The following MICU3 variants were observed in gnomAD, a reference collection of about 807,000 sequenced individuals.
The protein encoded by MICU3 is mitochondrial calcium uptake 3.
In MICU3, 62 loss-of-function variants were observed where a neutral mutation model predicts 66.5. That is an observed-to-expected ratio of 0.93 (90% CI 0.76 to 1.15). The LOEUF is 1.15. Ranked by LOEUF, MICU3 falls within the 50% of genes most tolerant of loss-of-function variation. The pLI is 0.00. For missense variants in MICU3, 779 were observed against 664.4 expected (o/e 1.17, Z -1.90); for synonymous variants, 308 against 240.7 (o/e 1.28, Z -2.59).
the MICU3 span, among the ~76,000 whole-genome samples, chr8:17,135,725 T>C: frequency 2.6e-5 from 4 of 152,124 alleles, no homozygotes; most frequent in Admixed American, 6.6e-5. Flanking sequence ...TCTGTAATTG[T>C]TCAAATTAAC....
chr8:17,049,391 T>C (rs757106560), intron 1 of MICU3, among the ~76,000 whole-genome samples: 13 of 152,158 alleles, frequency 8.5e-5, no homozygotes, highest in Non-Finnish European at 1.8e-4. Context: ...CCAAACACTA[T>C]TTCTGGACCT....
chr8:17,060,706 A>G (rs538715722), intron 1 of MICU3, among the ~76,000 whole-genome samples: 2 of 152,306 alleles, frequency 1.3e-5, no homozygotes, highest in East Asian at 1.9e-4. Flanking sequence ...AGCAGAGACA[A>G]TGGAGGAAGC....
chr8:17,113,723 T>G (rs1427934267), intron 11 of MICU3, among the ~76,000 whole-genome samples: 10 of 151,578 alleles, frequency 6.6e-5, no homozygotes, highest in African/African-American at 2.2e-4. Context: ...TTTTTTTCTG[T>G]TTTTTTTCTT....
intron 13 of MICU3, among the ~76,000 whole-genome samples, 192 bp from the exon 14 acceptor site, chr8:17,118,515 G>T (rs968669138): frequency 3.9e-5 from 6 of 152,094 alleles, no homozygotes; most frequent in Non-Finnish European, 5.9e-5. Context: ...TATTCTTCCT[G>T]TCTAATTGGA....
At position 17,093,452 on chromosome 8, in the gene MICU3, G is replaced by A. The variant is rs181682469; in HGVS notation, c.888+2868G>A. ...ATTTGAAAAGAATGTGTATTTTCCA[G>A]TTTGGGGTACAGGGTTGTGTAATAT... On this transcript the variant is annotated intron_variant, in intron 8 of 14. Coordinates refer to ENST00000318063, the MANE Select transcript of MICU3 (RefSeq NM_181723.3). Among the ~76,000 whole-genome samples, 660 of 151,982 alleles carry A rather than the reference G, an allele frequency of 4.3e-3. 6 individuals are homozygous for A. The highest frequency in any genetic ancestry group is 0.012 in the African/African-American group (503 of 41,504).
intron 3 of MICU3, among the ~76,000 whole-genome samples, chr8:17,074,362 A>G (rs1337171934): frequency 1.3e-5 from 2 of 152,190 alleles, no homozygotes; most frequent in Non-Finnish European, 2.9e-5. Flanking sequence ...TAATATTTTT[A>G]AGAATGTGAA....
chr8:17,112,519 A>G (rs1016077364), intron 11 of MICU3, among the ~76,000 whole-genome samples: 2 of 152,114 alleles, frequency 1.3e-5, no homozygotes, highest in Non-Finnish European at 2.9e-5. Flanking sequence ...TACATGGCCC[A>G]TTTGTTATTT....
chr8:17,115,251 T>C (rs1344549678), intron 12 of MICU3, among the ~76,000 whole-genome samples: 1 of 152,220 alleles, frequency 6.6e-6, no homozygotes, highest in Non-Finnish European at 1.5e-5. Flanking sequence ...TGTGGCCTTA[T>C]TCATTTATTC....
intron 1 of MICU3, among the ~76,000 whole-genome samples, chr8:17,049,423 G>A (rs1815670474): frequency 6.6e-6 from 1 of 152,206 alleles, no homozygotes; most frequent in African/African-American, 2.4e-5. Context: ...AGTACATCAA[G>A]AGGTAGAGTC....
At chr8:17,082,765 A>G (rs1821389941) in intron 5 of MICU3, among the ~76,000 whole-genome samples, 1 of 152,178 alleles carries the variant, frequency 6.6e-6, no homozygotes, top group South Asian at 2.1e-4. Context: ...AATACCTTGT[A>G]CTTCTTTGAT....
chr8:17,105,131 T>C (rs1322715268), intron 10 of MICU3, among the ~76,000 whole-genome samples: 5 of 151,922 alleles, frequency 3.3e-5, no homozygotes, highest in African/African-American at 7.3e-5. Flanking sequence ...AGTTTAAGTA[T>C]CATTGCTATT....
Position 17,118,691 on chromosome 8 carries a change from C to G in MICU3, c.1525-16C>G. 2.5e-6 allele frequency: 4 copies of G among 1,573,634 alleles called. No homozygotes were observed. The highest frequency in any genetic ancestry group is 3.5e-6 in the Non-Finnish European group (4 of 1,146,720). ...TCTTTCTGTACATTTGCACACTTTG[C>G]TCTTCTGTTTTACAGGGTTATAAAA... On this transcript the variant is annotated splice_polypyrimidine_tract_variant and intron_variant, in intron 13 of 14. Transcript: ENST00000318063.
At chr8:17,031,388 T>C (rs758516947) in intron 1 of MICU3, among the ~76,000 whole-genome samples, 70 of 151,462 alleles carry the variant, frequency 4.6e-4, no homozygotes, top group Middle Eastern at 3.4e-3. Context: ...CAGGTTCAAG[T>C]GATTCTTCCA....
intron 1 of MICU3, among the ~76,000 whole-genome samples, chr8:17,047,564 C>G (rs754339490): frequency 6.6e-6 from 1 of 152,058 alleles, no homozygotes; most frequent in Non-Finnish European, 1.5e-5. Flanking sequence ...ACTGTAAAAT[C>G]AAAGATAAAG....
chr8:17,110,937 T>C (rs531821697), intron 11 of MICU3, among the ~76,000 whole-genome samples: 2 of 152,334 alleles, frequency 1.3e-5, no homozygotes, highest in East Asian at 1.9e-4. Flanking sequence ...TTCTTTGCTA[T>C]GGCTGAATAA....
chr8:17,054,871 T>C (rs1014463076), intron 1 of MICU3, among the ~76,000 whole-genome samples: 3 of 151,640 alleles, frequency 2.0e-5, no homozygotes, highest in African/African-American at 2.4e-5. Flanking sequence ...CCCAAGTAGC[T>C]GGGATTACAG....
rs192790431 is a variant in MICU3, at chr8:17,050,434, T to A, written c.382-13650T>A. Reference sequence around the variant, plus strand: ...CTTTATTAATATTTCATTAAACTGATATAATTTCCATTTTTATTGATATTT... The same window carrying A: ...CTTTATTAATATTTCATTAAACTGAAATAATTTCCATTTTTATTGATATTT... On this transcript the variant is annotated intron_variant, in intron 1 of 14. Coordinates refer to ENST00000318063, the MANE Select transcript of MICU3 (RefSeq NM_181723.3). Among the ~76,000 whole-genome samples the A allele has an allele frequency of 2.4e-4, 36 of 152,230 alleles. 2 individuals carry two copies. Among genetic ancestry groups the A allele is most frequent in the African/African-American group, 8.4e-4 (35 of 41,564 alleles).
intron 9 of MICU3, chr8:17,102,527 G>C (rs1235025176): frequency 6.6e-6 from 1 of 151,826 alleles, no homozygotes; most frequent in African/African-American, 2.4e-5. Flanking sequence ...AAAAAAGTCA[G>C]TGACCCATGT....
intron 14 of MICU3, 55 bp from the exon 15 acceptor site, chr8:17,120,232 CT>C (rs1462770407): frequency 6.6e-6 from 1 of 151,794 alleles, no homozygotes; most frequent in East Asian, 1.9e-4. Flanking sequence ...ACACTATCAC[CT>C]CAGAATTATA....
Sources: gnomAD v4.1 joint callset for allele counts (sites outside exome capture counted in the v4.1 genomes callset) on GRCh38, gnomAD v4.1.1 for gene constraint, MANE v1.5 for transcripts, NCBI Gene and HGNC (gene_info 2026-07-23, HGNC 2026-07-21) for gene names.